Variants in NRXN3 observed in about 807,000 individuals in gnomAD.
The protein encoded by NRXN3 is neurexin III.
In NRXN3, 32 loss-of-function variants were observed where a neutral mutation model predicts 137.6. The observed-to-expected ratio is 0.23, with a 90% CI of 0.18 to 0.31. The LOEUF is 0.31. Ranked by LOEUF, NRXN3 falls within the 10% of genes least tolerant of loss-of-function variation. The probability of loss-of-function intolerance (pLI) is 1.00; values close to 1 mark genes in which losing one functional copy is unlikely to be tolerated. For missense variants in NRXN3, 1,574 were observed against 2,062.5 expected, an observed-to-expected ratio of 0.76 and a Z score of 4.59; for synonymous variants, 798 against 784.5, an observed-to-expected ratio of 1.02 and a Z score of -0.29.
intron 15 of NRXN3, among the ~76,000 whole-genome samples, chr14:79,259,168 G>A (rs1456865142): frequency 6.6e-6 from 1 of 152,190 alleles, no homozygotes; most frequent in East Asian, 1.9e-4. Context: ...AACAGTCCCA[G>A]CATCCCATCT....
At chr14:78,239,119 C>T (rs148180199) in intron 1 of NRXN3, among the ~76,000 whole-genome samples, 4 of 152,310 alleles carry the variant, frequency 2.6e-5, no homozygotes, top group African/African-American at 7.2e-5. Flanking sequence ...AACATTCTTC[C>T]ACTTCTGCTT....
chr14:79,843,240 C>G (rs1488838330), intron 20 of NRXN3, among the ~76,000 whole-genome samples: 1 of 152,162 alleles, frequency 6.6e-6, no homozygotes, highest in Non-Finnish European at 1.5e-5. Context: ...CTTGGTTTCC[C>G]AGTGCATATA....
At chr14:78,651,139 T>C in intron 5 of NRXN3, 26 bp from the exon 6 acceptor site, 1 of 1,606,072 alleles carries the variant, frequency 6.2e-7, no homozygotes, top group Non-Finnish European at 8.5e-7. Flanking sequence ...GTTGGGATTT[T>C]TTTTGTCCCT....
At chr14:79,290,796 C>T (rs183324639) in intron 15 of NRXN3, among the ~76,000 whole-genome samples, 2 of 152,124 alleles carry the variant, frequency 1.3e-5, no homozygotes, top group African/African-American at 2.4e-5. Flanking sequence ...AAAAGCATTG[C>T]GGCTTCTTTA....
intron 15 of NRXN3, among the ~76,000 whole-genome samples, chr14:79,281,260 C>T (rs1237477523): frequency 6.6e-6 from 1 of 152,118 alleles, no homozygotes; most frequent in African/African-American, 2.4e-5. Flanking sequence ...AACTTGGATT[C>T]CCCGTGTATG....
At chr14:78,221,712 C>T (rs1455158889) in intron 1 of NRXN3, among the ~76,000 whole-genome samples, 1 of 152,068 alleles carries the variant, frequency 6.6e-6, no homozygotes, top group Non-Finnish European at 1.5e-5. Context: ...CTAGGTTGTT[C>T]ATAGTTGGGG....
intron 15 of NRXN3, among the ~76,000 whole-genome samples, chr14:79,174,171 A>G (rs1008995717): frequency 2.6e-5 from 4 of 152,220 alleles, no homozygotes; most frequent in African/African-American, 9.6e-5. Context: ...AAATGAAGGT[A>G]GCGTTAATGT....
Position 79,549,146 on chromosome 14 carries a change from G to C in NRXN3, c.3444+81744G>C, listed in dbSNP as rs546484824. Among the ~76,000 whole-genome samples the C allele has an allele frequency of 3.9e-4, 60 of 152,186 alleles. 1 individual carries two copies. In the South Asian group the frequency reaches 0.012, roughly 31 times the overall value. On this transcript the variant is annotated intron_variant, in intron 16 of 20. Transcript: ENST00000335750. ...TTTGCTAATCATGGGTCATTTATCT[G>C]TGAGCTACTGCATTGTTTCCACTGC...
At position 78,942,004 on chromosome 14, in the gene NRXN3, A is replaced by C. The variant is rs571601566; in HGVS notation, c.2276-15238A>C. 9.2e-5 allele frequency among the ~76,000 whole-genome samples: 14 copies of C among 152,320 alleles called. No homozygotes were observed. The South Asian group carries it at 2.9e-3, about 32-fold the overall frequency. ...GCTTCTAGGCCAGAGAGTAGAGAGA[A>C]CTGTGAGATTGTGTGCTAGCCACAG... is the stretch of plus-strand genomic sequence containing the variant. On this transcript the variant is annotated intron_variant, in intron 10 of 20. Coordinates refer to ENST00000335750, the MANE Select transcript of NRXN3 (RefSeq NM_001330195.2).
At chr14:78,468,073 G>A (rs181387060) in intron 4 of NRXN3, among the ~76,000 whole-genome samples, 99 of 152,146 alleles carry the variant, frequency 6.5e-4, no homozygotes, top group Admixed American at 3.0e-3. Flanking sequence ...ACAGGGGCCC[G>A]CCACCATGCC....
At position 78,298,383 on chromosome 14, in the gene NRXN3, T is replaced by C. The variant is rs543599770; in HGVS notation, c.757+523T>C. 5.9e-5 allele frequency among the ~76,000 whole-genome samples: 9 copies of C among 152,332 alleles called. No homozygotes were observed. The East Asian group carries it at 1.7e-3, about 29-fold the overall frequency. On this transcript the variant is annotated intron_variant, in intron 4 of 20. Transcript: ENST00000335750. Reference sequence around the variant, plus strand: ...GTGGGTTTGACTGTTTTCAGTTTTATATAAAAGCAAAAACCACCTAAAGAA... The same window carrying C: ...GTGGGTTTGACTGTTTTCAGTTTTACATAAAAGCAAAAACCACCTAAAGAA...
rs2099483778 is a variant in NRXN3 at position 78,979,642 on chromosome 14, T to G, written c.3143-8380T>G. Among the ~76,000 whole-genome samples the G allele has an allele frequency of 1.3e-5, 2 of 152,180 alleles. 1 individual carries two copies. Among genetic ancestry groups the G allele is most frequent in the Admixed American group, 1.3e-4 (2 of 15,270 alleles). ...AGACAGTTCATGGCATGTATTATTC[T>G]GTTCTCATGCTGCTAATAAAAATAT... is the stretch of plus-strand genomic sequence containing the variant. On this transcript the variant is annotated intron_variant, in intron 14 of 20. Transcript: ENST00000335750.
chr14:78,569,342 T>A (rs2096867593), intron 4 of NRXN3, among the ~76,000 whole-genome samples: 1 of 151,588 alleles, frequency 6.6e-6, no homozygotes, highest in Admixed American at 6.6e-5. Context: ...CTCGGCTCAC[T>A]GCAAGCTCCG....
At chr14:78,954,204 C>A (rs373140636) in intron 10 of NRXN3, among the ~76,000 whole-genome samples, 1 of 152,292 alleles carries the variant, frequency 6.6e-6, no homozygotes, top group South Asian at 2.1e-4. Context: ...GTGTAAACAT[C>A]ACTTTTCCTC....
At chr14:78,416,713 G>A (rs1279623816) in intron 4 of NRXN3, among the ~76,000 whole-genome samples, 1 of 152,190 alleles carries the variant, frequency 6.6e-6, no homozygotes, top group Non-Finnish European at 1.5e-5. Context: ...TCACTTGGAG[G>A]CACATGGATC....
At chr14:79,853,988 T>C (rs2141805686) in intron 20 of NRXN3, 1 of 988,160 alleles carries the variant, frequency 1.0e-6, no homozygotes, top group South Asian at 4.6e-5. Flanking sequence ...TTTTTTTCTT[T>C]TTATGTTATG....
chr14:79,246,625 G>T (rs1057226312), intron 15 of NRXN3: 3 of 152,020 alleles, frequency 2.0e-5, no homozygotes, highest in Non-Finnish European at 4.4e-5. Context: ...CAGGTGTTTT[G>T]AAAGAAGTTA....
At chr14:79,299,510 CT>C (rs1274464290) in intron 15 of NRXN3, among the ~76,000 whole-genome samples, 1 of 152,086 alleles carries the variant, frequency 6.6e-6, no homozygotes, top group Non-Finnish European at 1.5e-5. Flanking sequence ...CACAGTGAAA[CT>C]TTATTTACAA....
At chr14:78,210,382 C>T (rs1213747338) in intron 1 of NRXN3, among the ~76,000 whole-genome samples, 2 of 152,202 alleles carry the variant, frequency 1.3e-5, no homozygotes, top group Non-Finnish European at 2.9e-5. Context: ...CCCAAAGGCT[C>T]CACCTCTTAT....
Sources: allele counts gnomAD v4.1 joint callset (sites outside exome capture counted in the v4.1 genomes callset), GRCh38; gene constraint gnomAD v4.1.1; transcripts MANE v1.5; gene names NCBI Gene and HGNC (gene_info 2026-07-23, HGNC 2026-07-21).